KCTD8: variants seen among roughly 807,000 people sequenced by gnomAD.
The protein encoded by KCTD8 is potassium channel tetramerization domain containing 8.
A neutral mutation model predicts 31.5 loss-of-function variants in KCTD8; 27 were observed. The ratio of observed to expected loss-of-function variants is 0.86; its 90% confidence interval spans 0.63 to 1.18. KCTD8 has a LOEUF of 1.18. Ranked by LOEUF, KCTD8 falls within the 50% of genes most tolerant of loss-of-function variation. The pLI, the probability that KCTD8 is intolerant of heterozygous loss-of-function variation, is 0.00. For synonymous variants in KCTD8, 290 were observed against 280.0 expected (o/e 1.04, Z -0.36); for missense variants, 658 against 647.7 (o/e 1.02, Z -0.17).
intron 1 of KCTD8, among the ~76,000 whole-genome samples, chr4:44,223,770 T>A (rs147937116): frequency 6.6e-6 from 1 of 152,206 alleles, no homozygotes; most frequent in Non-Finnish European, 1.5e-5. Context: ...TACTGCTACA[T>A]GTAGAGCTGC....
Position 44,174,583 on chromosome 4 carries a change from CTTA to C in KCTD8, c.*204_*206del. 2.2e-6 allele frequency: 1 copy of C among 462,604 alleles called. No homozygotes were observed. Among genetic ancestry groups the C allele is most frequent in the East Asian group, 3.3e-5 (1 of 30,588 alleles). The allele number at this position is 462,604 out of a possible 1,614,324, so 28.7% of individuals were successfully genotyped here. On this transcript the variant is annotated 3_prime_UTR_variant, in exon 2 of 2. Coordinates refer to ENST00000360029, the MANE Select transcript of KCTD8 (RefSeq NM_198353.3). ...TCAGATATTCCATTTTGATTTAACA[CTTA>C]TTGATTTAATATTTTTTCCTTTTTA...
At chr4:44,291,849 C>A (rs887175627) in intron 1 of KCTD8, among the ~76,000 whole-genome samples, 67 of 151,150 alleles carry the variant, frequency 4.4e-4, no homozygotes, top group Admixed American at 2.6e-4. Flanking sequence ...CAAGGACATG[C>A]CAGTGGCCAA....
chr4:44,187,027 GA>G (rs976996704), intron 1 of KCTD8, among the ~76,000 whole-genome samples: 29 of 152,004 alleles, frequency 1.9e-4, no homozygotes, highest in African/African-American at 7.0e-4. Flanking sequence ...CAAAAGCAAA[GA>G]AATGGGGGGA....
At chr4:44,210,536 C>T (rs1263173952) in intron 1 of KCTD8, among the ~76,000 whole-genome samples, 1 of 152,130 alleles carries the variant, frequency 6.6e-6, no homozygotes, top group Non-Finnish European at 1.5e-5. Context: ...TCAAAATACA[C>T]CTATCCACCA....
chr4:44,354,631 C>A (rs574656440), intron 1 of KCTD8, among the ~76,000 whole-genome samples: 18 of 152,150 alleles, frequency 1.2e-4, no homozygotes, highest in African/African-American at 4.1e-4. Flanking sequence ...GTGTTCAGTG[C>A]AAATTATTTC....
intron 1 of KCTD8, among the ~76,000 whole-genome samples, chr4:44,336,264 A>T (rs1419677896): frequency 6.6e-6 from 1 of 151,540 alleles, no homozygotes; most frequent in East Asian, 1.9e-4. Flanking sequence ...AAACCTAGCA[A>T]TGATGCATCT....
intron 1 of KCTD8, among the ~76,000 whole-genome samples, chr4:44,444,475 A>C (rs1191955511): frequency 1.3e-5 from 2 of 152,248 alleles, no homozygotes; most frequent in Non-Finnish European, 2.9e-5. Flanking sequence ...AATTAATTAT[A>C]CTTACTATAA....
intron 1 of KCTD8, among the ~76,000 whole-genome samples, chr4:44,401,291 GA>G (rs1720647420): frequency 6.6e-6 from 1 of 152,112 alleles, no homozygotes; most frequent in Non-Finnish European, 1.5e-5. Flanking sequence ...GACCATATCA[GA>G]AGACCTGAAT....
At chr4:44,338,386 G>T (rs1245214834) in intron 1 of KCTD8, among the ~76,000 whole-genome samples, 1 of 152,128 alleles carries the variant, frequency 6.6e-6, no homozygotes, top group African/African-American at 2.4e-5. Context: ...GTAAGTGAAG[G>T]TTTAACAGGT....
intron 1 of KCTD8, among the ~76,000 whole-genome samples, chr4:44,280,273 C>G (rs574315166): frequency 6.6e-6 from 1 of 151,990 alleles, no homozygotes; most frequent in African/African-American, 2.4e-5. Context: ...AATAAAAGCC[C>G]TAGAAGCTTT....
At chr4:44,210,907 A>C (rs1422523504) in intron 1 of KCTD8, among the ~76,000 whole-genome samples, 1 of 152,148 alleles carries the variant, frequency 6.6e-6, no homozygotes. Flanking sequence ...AATAGCAGTA[A>C]CAGCAGGACT....
chr4:44,337,545 G>A (rs1718780574), intron 1 of KCTD8, among the ~76,000 whole-genome samples: 1 of 151,726 alleles, frequency 6.6e-6, no homozygotes, highest in African/African-American at 2.4e-5. Flanking sequence ...GTGGTGGTGT[G>A]TACCTGTAGT....
chr4:44,200,486 T>C (rs1714108004), intron 1 of KCTD8, among the ~76,000 whole-genome samples: 1 of 152,136 alleles, frequency 6.6e-6, no homozygotes, highest in African/African-American at 2.4e-5. Flanking sequence ...ATCTCCGGGA[T>C]GCAAGAGTGC....
At chr4:44,318,715 A>T (rs749200531) in intron 1 of KCTD8, among the ~76,000 whole-genome samples, 1 of 152,190 alleles carries the variant, frequency 6.6e-6, no homozygotes, top group Non-Finnish European at 1.5e-5. Context: ...AACATTTTAA[A>T]GTTTGACTTG....
chr4:44,401,800 T>C (rs1414061141), intron 1 of KCTD8, among the ~76,000 whole-genome samples: 2 of 152,194 alleles, frequency 1.3e-5, no homozygotes, highest in East Asian at 3.9e-4. Context: ...TATTCTCTTA[T>C]TCTCATTCCT....
intron 1 of KCTD8, among the ~76,000 whole-genome samples, chr4:44,179,519 T>A (rs188564085): frequency 0.014 from 2,104 of 147,928 alleles, 46 homozygotes; most frequent in African/African-American, 0.046. Flanking sequence ...TTATATATTT[T>A]TATATATATA....
intron 1 of KCTD8, among the ~76,000 whole-genome samples, chr4:44,403,950 T>C (rs906430430): frequency 5.3e-5 from 8 of 152,198 alleles, no homozygotes; most frequent in African/African-American, 1.9e-4. Context: ...TATTTTCTCA[T>C]GTGAAATATA....
In KCTD8 at chr4:44,260,152, AC is replaced by A. The variant is rs780177352; in HGVS notation, c.962-84903del. On this transcript the variant is annotated intron_variant, in intron 1 of 1. Transcript: ENST00000360029. ...TATTTTATGCTAAAATGAAAAAAAAACAATTATTAAAATTAATAGAAAGTAA... is the reference window on the plus strand; with the variant it reads ...TATTTTATGCTAAAATGAAAAAAAAAAATTATTAAAATTAATAGAAAGTAA... 1.3e-4 allele frequency among the ~76,000 whole-genome samples: 19 copies of A among 151,518 alleles called. No homozygotes were observed. The South Asian group carries it at 1.5e-3, about 12-fold the overall frequency.
chr4:44,387,719 A>G (rs987586301), intron 1 of KCTD8, among the ~76,000 whole-genome samples: 1 of 152,094 alleles, frequency 6.6e-6, no homozygotes, highest in Non-Finnish European at 1.5e-5. Context: ...AATTAACTCA[A>G]GATGGATCAA....
Sources: allele counts gnomAD v4.1 joint callset (sites outside exome capture counted in the v4.1 genomes callset), GRCh38; gene constraint gnomAD v4.1.1; transcripts MANE v1.5; gene names NCBI Gene and HGNC (gene_info 2026-07-23, HGNC 2026-07-21).